Variants in CERS4 observed in about 807,000 individuals in gnomAD.
CERS4 encodes ceramide synthase 4.
In CERS4, 65 loss-of-function variants were observed where a neutral mutation model predicts 51.8. That is an observed-to-expected ratio of 1.26 (90% CI 1.03 to 1.54). The LOEUF (loss-of-function observed/expected upper bound fraction) is 1.54. CERS4 is among the 40% of genes most tolerant of loss of function. CERS4 has a pLI of 0.00. For missense variants in CERS4, 563 were observed against 500.4 expected (o/e 1.13, Z -1.19); for synonymous variants, 228 against 208.4 (o/e 1.09, Z -0.81).
intron 2 of CERS4, among the ~76,000 whole-genome samples, chr19:8,245,243 ATTT>A (rs930466256): frequency 5.4e-5 from 8 of 148,338 alleles, no homozygotes; most frequent in African/African-American, 1.7e-4. Flanking sequence ...ATATATTTTT[ATTT>A]TTTATTGATT....
Position 8,262,016 on chromosome 19 carries a change from C to T in CERS4, c.1092C>T (p.Asn364=), listed in dbSNP as rs576348408. Residue 364 remains asparagine (N), a synonymous_variant, in exon 12 of 12, where the codon AAC becomes AAT. Coordinates refer to ENST00000251363, the MANE Select transcript of CERS4 (RefSeq NM_024552.3). ...CCCAGGAACCTCTGCAGCTAAAGAACGGGGCAGCTGGAGGGCCCAGGCCAG... is the reference window on the plus strand; with the variant it reads ...CCCAGGAACCTCTGCAGCTAAAGAATGGGGCAGCTGGAGGGCCCAGGCCAG... ...AAAQEPLQLK[N]GAAGGPRPAP... is the part of the protein sequence containing the mutation. 54 of 1,588,358 alleles carry T rather than the reference C, an allele frequency of 3.4e-5. 4 individuals carry two copies. The South Asian group carries it at 4.4e-4, about 13-fold the overall frequency.
Position 8,261,691 on chromosome 19 carries a change from C to CCT in CERS4, c.855_856dup (p.Tyr286SerfsTer25). On this transcript the variant is annotated frameshift_variant, in exon 11 of 12. Coordinates refer to ENST00000251363, the MANE Select transcript of CERS4 (RefSeq NM_024552.3). LOFTEE classifies it high-confidence loss of function. ...CCTCCTCTCCCCCTGGCTGTAGGAT[C>CCT]CTCTACACCACATACTACGAGTCCA... 6.2e-7 allele frequency: 1 copy of CCT among 1,614,048 alleles called. No homozygotes were observed. The highest frequency in any genetic ancestry group is 8.5e-7 in the Non-Finnish European group (1 of 1,180,008).
Position 8,231,851 on chromosome 19 carries a change from A to ATTTTTT in CERS4, c.-1-19208_-1-19203dup, listed in dbSNP as rs3042169. ...ACAAGCATGAGGCACTGTGCCCAGCATTTTTTTTTTTTTTTTTTTTTTAGA... is the reference window on the plus strand; with the variant it reads ...ACAAGCATGAGGCACTGTGCCCAGCATTTTTTTTTTTTTTTTTTTTTTTTTTTTAGA... On this transcript the variant is annotated intron_variant, in intron 2 of 11. Coordinates refer to ENST00000251363, the MANE Select transcript of CERS4 (RefSeq NM_024552.3). Among the ~76,000 whole-genome samples the ATTTTTT allele has an allele frequency of 2.8e-3, 289 of 104,390 alleles. 16 individuals carry two copies. Among genetic ancestry groups the ATTTTTT allele is most frequent in the African/African-American group, 0.01 (244 of 23,992 alleles). The allele number at this position is 104,390 out of a possible 152,430, so 68.5% of individuals were successfully genotyped here.
intron 2 of CERS4, among the ~76,000 whole-genome samples, chr19:8,244,130 C>T (rs1968655248): frequency 6.6e-6 from 1 of 152,222 alleles, no homozygotes; most frequent in Non-Finnish European, 1.5e-5. Context: ...CAACTAGCCA[C>T]TGCTGGCTCT....
chr19:8,254,920 C>T (rs1599587452), intron 4 of CERS4, among the ~76,000 whole-genome samples: 1 of 152,118 alleles, frequency 6.6e-6, no homozygotes, highest in East Asian at 1.9e-4. Context: ...CCCTCCCCTC[C>T]CAGCCTCCCT....
rs1421102492 is a variant in CERS4, at chr19:8,262,108, A to G, written c.1184A>G (p.Ter395TrpextTer?). The G allele has an allele frequency of 1.8e-5, 26 of 1,473,626 alleles. No individual in the cohort carries two copies. The Admixed American group carries it at 6.4e-4, about 36-fold the overall frequency. 91.3% of individuals were successfully genotyped at this position (1,473,626 alleles called of 1,614,324 possible). A position where few individuals can be genotyped will look rare whatever the true frequency, so the allele number is the denominator to read the frequency against. Reference protein sequence around the residue: ...RLTNRHTTAT* With the variant: ...RLTNRHTTATW ...ACCAACAGGCACACAACAGCCACAT[A>G]GCCGGGCGGGGCTGGCTGTAAGGGG... The change falls in exon 12 of 12, where the codon TAG (stop) becomes TGG (tryptophan). Residue 395 changes from the stop codon to tryptophan (W), a stop_lost. Transcript: ENST00000251363.
intron 2 of CERS4, among the ~76,000 whole-genome samples, chr19:8,218,122 A>G (rs1281205731): frequency 1.3e-5 from 2 of 151,458 alleles, no homozygotes; most frequent in African/African-American, 4.9e-5. Context: ...GTGCCACCAT[A>G]CCCAGCTAAT....
At chr19:8,244,394 A>G (rs904968937) in intron 2 of CERS4, among the ~76,000 whole-genome samples, 1 of 152,234 alleles carries the variant, frequency 6.6e-6, no homozygotes. Context: ...TTTCCAGTAT[A>G]TACTATATTA....
chr19:8,254,347 T>C (rs2145309808), intron 3 of CERS4, 152 bp from the exon 4 acceptor site: 2 of 121,214 alleles, frequency 1.6e-5, no homozygotes, highest in African/African-American at 7.6e-5. Context: ...AAAAAAGTCT[T>C]ACACACCCTG....
intron 10 of CERS4, among the ~76,000 whole-genome samples, chr19:8,259,693 G>A (rs1969577291): frequency 6.6e-6 from 1 of 152,082 alleles, no homozygotes; most frequent in South Asian, 2.1e-4. Context: ...CAGCCCTGCT[G>A]GGTTTGAGGG....
In CERS4 at chr19:8,222,875, G is replaced by A. The variant is rs538532866; in HGVS notation, c.-2+12013G>A. ...ACGGACAGGTGGCCATGAGGGTGGT[G>A]GGAAAGCCTGAAACTGGAGCTTGGT... On this transcript the variant is annotated intron_variant, in intron 2 of 11. Coordinates refer to ENST00000251363, the MANE Select transcript of CERS4 (RefSeq NM_024552.3). Among the ~76,000 whole-genome samples, 6 of 152,290 alleles carry A rather than the reference G, an allele frequency of 3.9e-5. No homozygotes were observed. The South Asian group carries it at 8.3e-4, about 21-fold the overall frequency.
At chr19:8,261,902 G>A (rs1969725829) in intron 11 of CERS4, 28 bp from the exon 12 acceptor site, 1 of 1,611,696 alleles carries the variant, frequency 6.2e-7, no homozygotes, top group East Asian at 2.2e-5. Context: ...TCCCTGCTCT[G>A]AGCTCCATCC....
chr19:8,258,506 C>T (rs1413265718), intron 10 of CERS4, among the ~76,000 whole-genome samples: 1 of 151,030 alleles, frequency 6.6e-6, no homozygotes, highest in Non-Finnish European at 1.5e-5. Context: ...GTCAGGAGTT[C>T]CAGACCAGCC....
chr19:8,254,897 T>C (rs1969297642), intron 4 of CERS4, among the ~76,000 whole-genome samples: 1 of 151,748 alleles, frequency 6.6e-6, no homozygotes, highest in East Asian at 1.9e-4. Context: ...CCAGCCTCCT[T>C]GGGAGATGGG....
At chr19:8,211,688 T>A (rs2145148851) in intron 2 of CERS4, among the ~76,000 whole-genome samples, 1 of 151,804 alleles carries the variant, frequency 6.6e-6, no homozygotes, top group East Asian at 1.9e-4. Flanking sequence ...GGTCAGGAGT[T>A]CGAGAGCAGC....
At chr19:8,251,761 G>C (rs1270528360) in intron 3 of CERS4, among the ~76,000 whole-genome samples, 1 of 151,330 alleles carries the variant, frequency 6.6e-6, no homozygotes, top group Non-Finnish European at 1.5e-5. Flanking sequence ...CCAAGATTGT[G>C]CCGCTGCACT....
At chr19:8,256,925 A>G in intron 8 of CERS4, 24 bp from the exon 9 acceptor site, 1 of 1,614,028 alleles carries the variant, frequency 6.2e-7, no homozygotes, top group Non-Finnish European at 8.5e-7. Context: ...CCTCGTCCCC[A>G]CTATGACCCA....
In CERS4 at chr19:8,251,018, A is replaced by G. The variant is rs1219337887; in HGVS notation, c.-1-58A>G. ...CTGAGGCTCCAGCCTCTCAGGCCCCACTTGCCCCACCCATTCTGCTTGCAG... is the reference window on the plus strand; with the variant it reads ...CTGAGGCTCCAGCCTCTCAGGCCCCGCTTGCCCCACCCATTCTGCTTGCAG... On this transcript the variant is annotated intron_variant, in intron 2 of 11. Transcript: ENST00000251363. 2.0e-6 allele frequency: 3 copies of G among 1,514,200 alleles called. No homozygotes were observed. In the African/African-American group the frequency reaches 4.2e-5, roughly 21 times the overall value. The allele number at this position is 1,514,200 out of a possible 1,614,324, so 93.8% of individuals were successfully genotyped here. A position where few individuals can be genotyped will look rare whatever the true frequency, so the allele number is the denominator to read the frequency against.
chr19:8,261,759 G>A lies in CERS4; in HGVS notation c.920G>A (p.Gly307Glu). The change falls in exon 11 of 12, where the codon GGG becomes GAG. Residue 307 changes from glycine to glutamate, a missense_variant. Transcript: ENST00000251363. ...TTCTTCGGCTACTACTTCTTCAACGGGCTTCTGATGTTGCTGCAGCTGCTG... is the reference window on the plus strand; with the variant it reads ...TTCTTCGGCTACTACTTCTTCAACGAGCTTCTGATGTTGCTGCAGCTGCTG... ...GPFFGYYFFN[G>E]LLMLLQLLHV... 6.2e-7 allele frequency: 1 copy of A among 1,614,098 alleles called. No homozygotes were observed. The highest frequency in any genetic ancestry group is 8.5e-7 in the Non-Finnish European group (1 of 1,180,014).
Sources: gnomAD v4.1 joint callset for allele counts (sites outside exome capture counted in the v4.1 genomes callset) on GRCh38, gnomAD v4.1.1 for gene constraint, MANE v1.5 for transcripts, NCBI Gene and HGNC (gene_info 2026-07-23, HGNC 2026-07-21) for gene names.